The following THSD4 variants were observed in gnomAD, a reference collection of about 807,000 sequenced individuals.
THSD4 encodes thrombospondin type 1 domain containing 4, also known as thrombospondin type-1 domain-containing protein 4.
In THSD4, 69 loss-of-function variants were observed where a neutral mutation model predicts 119.0. The ratio of observed to expected loss-of-function variants is 0.58; its 90% CI spans 0.48 to 0.71. THSD4 has a LOEUF of 0.71. Among genes scored for constraint, THSD4 ranks in the 30% least tolerant of loss-of-function variants. The pLI, the probability that THSD4 is intolerant of heterozygous loss-of-function variation, is 0.00. For missense variants in THSD4, 1,393 were observed against 1,391.1 expected, an observed-to-expected ratio of 1.00 and a Z score of -0.02; for synonymous variants, 524 against 540.4, an observed-to-expected ratio of 0.97 and a Z score of 0.42.
chr15:71,770,346 TA>T (rs71131707), intron 16 of THSD4, among the ~76,000 whole-genome samples: 21,627 of 127,382 alleles, frequency 0.17, 3,677 homozygotes, highest in African/African-American at 0.46. Context: ...ATATGTCCTT[TA>T]AAAAAAAAAA....
chr15:71,214,277 C>T lies in THSD4; in HGVS notation c.100-758C>T, dbSNP rs549775551. Among the ~76,000 whole-genome samples the T allele has an allele frequency of 3.3e-5, 5 of 152,340 alleles. No individual in the cohort carries two copies. The South Asian group carries it at 1.0e-3, about 32-fold the overall frequency. On this transcript the variant is annotated intron_variant, in intron 3 of 17. Transcript: ENST00000261862. ...TCCCTCCAGTCCCTCCAGTCCCTCC[C>T]AGCCAGCAGCCGCAACTTGCTGAGG...
intron 1 of THSD4, among the ~76,000 whole-genome samples, 161 bp from the exon 2 acceptor site, chr15:71,141,288 C>T (rs2040601350): frequency 6.6e-6 from 1 of 152,202 alleles, no homozygotes; most frequent in Non-Finnish European, 1.5e-5. Flanking sequence ...ACCTCATGTT[C>T]ATAAATAATC....
chr15:71,446,564 CT>C (rs2047183572), intron 7 of THSD4, among the ~76,000 whole-genome samples: 1 of 152,182 alleles, frequency 6.6e-6, no homozygotes, highest in Non-Finnish European at 1.5e-5. Flanking sequence ...CCTAGAATGC[CT>C]TACATAGCAG....
chr15:71,524,060 T>C (rs1041294700), intron 7 of THSD4, among the ~76,000 whole-genome samples: 1 of 152,210 alleles, frequency 6.6e-6, no homozygotes, highest in Non-Finnish European at 1.5e-5. Context: ...CTGCTTTATC[T>C]AGATTATCTT....
chr15:71,653,617 C>A (rs930015256), intron 7 of THSD4, among the ~76,000 whole-genome samples: 1 of 152,146 alleles, frequency 6.6e-6, no homozygotes, highest in Non-Finnish European at 1.5e-5. Flanking sequence ...GAAGCCCTCA[C>A]CTTGAGGAAG....
In THSD4 at chr15:71,711,327, T is replaced by G. The variant is rs140054375; in HGVS notation, c.1358-17222T>G. ...CTCCACACATGCAGAGCTTTTCCCATTGTTGCTTTTAAAATTTCTACATTT... is the reference window on the plus strand; with the variant it reads ...CTCCACACATGCAGAGCTTTTCCCAGTGTTGCTTTTAAAATTTCTACATTT... On this transcript the variant is annotated intron_variant, in intron 8 of 17. Transcript: ENST00000261862. Among the ~76,000 whole-genome samples the G allele has an allele frequency of 2.7e-3, 405 of 152,194 alleles. 2 individuals are homozygous for G. Among genetic ancestry groups the G allele is most frequent in the East Asian group, 0.013 (67 of 5,172 alleles).
At chr15:71,480,334 C>T (rs1024092951) in intron 7 of THSD4, among the ~76,000 whole-genome samples, 2 of 152,066 alleles carry the variant, frequency 1.3e-5, no homozygotes, top group South Asian at 2.1e-4. Flanking sequence ...CACCATGCCC[C>T]GCCACTTTTT....
chr15:71,128,526 CA>C (rs60507084), intron 1 of THSD4, among the ~76,000 whole-genome samples: 32 of 131,684 alleles, frequency 2.4e-4, no homozygotes, highest in Admixed American at 3.1e-4. Flanking sequence ...GACTCTGCCT[CA>C]AAAAAAAAAA....
chr15:71,724,287 A>ATATATATATATATATATATATATTTTTTT, intron 8 of THSD4, among the ~76,000 whole-genome samples: 1 of 37,290 alleles, frequency 2.7e-5, no homozygotes, highest in Admixed American at 4.1e-4. Flanking sequence ...ATATATATAT[A>ATATATATATATATATATATATATTTTTTT]TTTTTTTTTT....
intron 1 of THSD4, among the ~76,000 whole-genome samples, chr15:71,121,028 C>T (rs2040404575): frequency 6.6e-6 from 1 of 152,204 alleles, no homozygotes. Flanking sequence ...TGGGAGGCTG[C>T]CCTACCTGCT....
intron 7 of THSD4, among the ~76,000 whole-genome samples, chr15:71,570,935 T>C (rs79757974): frequency 0.24 from 36,638 of 152,142 alleles, 5,270 homozygotes; most frequent in Non-Finnish European, 0.33. Context: ...ACATTAGCAG[T>C]TGCTCTGTGG....
intron 10 of THSD4, chr15:71,733,541 C>A (rs2053022604): frequency 6.6e-6 from 1 of 152,062 alleles, no homozygotes. Context: ...GTCAACATGC[C>A]TGGTCCTGAT....
intron 7 of THSD4, among the ~76,000 whole-genome samples, chr15:71,459,248 T>C (rs1228104488): frequency 6.8e-6 from 1 of 146,748 alleles, no homozygotes. Flanking sequence ...AACCTCCACC[T>C]CTCAGGTTCA....
intron 9 of THSD4, chr15:71,730,776 G>A (rs571643323): frequency 5.1e-5 from 14 of 273,602 alleles, no homozygotes; most frequent in South Asian, 4.5e-4. Flanking sequence ...CAGTGTACAC[G>A]TATTTATCTG....
intron 1 of THSD4, among the ~76,000 whole-genome samples, chr15:71,130,837 C>T (rs548396338): frequency 9.2e-5 from 14 of 152,274 alleles, no homozygotes; most frequent in South Asian, 8.3e-4. Flanking sequence ...CTCCGCCTCC[C>T]GGGTTCACGC....
chr15:71,288,076 G>A (rs2044741582), intron 6 of THSD4, among the ~76,000 whole-genome samples: 1 of 152,170 alleles, frequency 6.6e-6, no homozygotes, highest in Admixed American at 6.5e-5. Context: ...GTTCTAGTTT[G>A]CACCTGATGA....
At chr15:71,683,852 A>G (rs968546486) in intron 8 of THSD4, among the ~76,000 whole-genome samples, 2 of 152,112 alleles carry the variant, frequency 1.3e-5, no homozygotes, top group Non-Finnish European at 2.9e-5. Flanking sequence ...GGAGGTGCCC[A>G]TAGTCCCAGC....
chr15:71,585,349 C>A (rs989428287), intron 7 of THSD4, among the ~76,000 whole-genome samples: 7 of 152,258 alleles, frequency 4.6e-5, no homozygotes, highest in African/African-American at 1.7e-4. Flanking sequence ...ATATAGTATT[C>A]TTGGTTGACA....
At chr15:71,423,577 C>T (rs1332528023) in intron 7 of THSD4, among the ~76,000 whole-genome samples, 2 of 152,196 alleles carry the variant, frequency 1.3e-5, no homozygotes, top group Non-Finnish European at 2.9e-5. Flanking sequence ...TTCCTCTTCC[C>T]TCTCCTTTCC....
Sources: allele counts gnomAD v4.1 joint callset (sites outside exome capture counted in the v4.1 genomes callset), GRCh38; gene constraint gnomAD v4.1.1; transcripts MANE v1.5; gene names NCBI Gene and HGNC (gene_info 2026-07-23, HGNC 2026-07-21).